Variants in SHANK2 observed in about 807,000 individuals in gnomAD.
SHANK2 encodes SH3 and multiple ankyrin repeat domains 2, also known as SH3 and multiple ankyrin repeat domains protein 2.
Under a neutral mutation model 133.7 loss-of-function variants are expected in SHANK2, and 43 were observed. The observed-to-expected ratio is 0.32, with a 90% CI of 0.25 to 0.41. The LOEUF is 0.41. SHANK2 is among the 10% of genes least tolerant of loss of function. The pLI, the probability that SHANK2 is intolerant of heterozygous loss-of-function variation, is 1.00. For missense variants in SHANK2, 1,994 were observed against 2,235.8 expected (o/e 0.89, Z 2.18); for synonymous variants, 1,017 against 952.8 (o/e 1.07, Z -1.24).
chr11:71,188,951 C>T lies in SHANK2; in HGVS notation c.-13+35746G>A, dbSNP rs1186998514. Among the ~76,000 whole-genome samples the T allele has an allele frequency of 6.6e-6, 1 of 152,184 alleles. No homozygotes were observed. Among genetic ancestry groups the T allele is most frequent in the Non-Finnish European group, 1.5e-5 (1 of 68,028 alleles). ...AGGAGCGGGCCCCAGCTCCACGGCC[C>T]CCCACTCCCACCTAGATGGAGTCCC... On this transcript the variant is annotated intron_variant, in intron 2 of 25. Coordinates refer to ENST00000601538, the MANE Select transcript of SHANK2 (RefSeq NM_012309.5). This position sits in a 1 kb window ranked among gnomAD's most constrained non-coding sequence, Gnocchi z 4.6.
chr11:71,120,402 G>A (rs1230985327), intron 3 of SHANK2, among the ~76,000 whole-genome samples: 2 of 152,218 alleles, frequency 1.3e-5, no homozygotes, highest in Admixed American at 1.3e-4. Flanking sequence ...CTCTATCTGA[G>A]GATTCTGTGG....
intron 15 of SHANK2, among the ~76,000 whole-genome samples, chr11:70,673,223 A>G (rs1434439583): frequency 1.3e-5 from 2 of 152,060 alleles, no homozygotes; most frequent in African/African-American, 2.4e-5. Flanking sequence ...CCCAGGGCAC[A>G]TGCCTCCACT....
chr11:70,935,509 C>T (rs1466199171), intron 10 of SHANK2, among the ~76,000 whole-genome samples: 1 of 152,186 alleles, frequency 6.6e-6, no homozygotes, highest in Non-Finnish European at 1.5e-5. Context: ...CACCTGGAAT[C>T]CATCTCAGGA....
intron 14 of SHANK2, among the ~76,000 whole-genome samples, chr11:70,790,842 C>T (rs1040995458): frequency 2.6e-5 from 4 of 152,162 alleles, no homozygotes; most frequent in East Asian, 1.9e-4. Context: ...GTGTCACGGG[C>T]GATGATGTGT....
At chr11:70,885,207 A>G (rs4980557) in intron 11 of SHANK2, among the ~76,000 whole-genome samples, 2 of 52,422 alleles carry the variant, frequency 3.8e-5, no homozygotes, top group Non-Finnish European at 1.7e-4. Flanking sequence ...GGAACCGCGC[A>G]GGGACCGCAT....
At chr11:70,665,468 G>A (rs574433239) in intron 15 of SHANK2, among the ~76,000 whole-genome samples, 16 of 152,152 alleles carry the variant, frequency 1.1e-4, no homozygotes, top group Non-Finnish European at 2.1e-4. Context: ...GCCCACACTT[G>A]TAACTGTGCA....
At chr11:70,677,659 G>A (rs1208231794) in intron 15 of SHANK2, among the ~76,000 whole-genome samples, 6 of 152,174 alleles carry the variant, frequency 3.9e-5, no homozygotes, top group East Asian at 1.9e-4. Context: ...TCCAAGAAGC[G>A]GGCAGGCAGG....
intron 15 of SHANK2, among the ~76,000 whole-genome samples, chr11:70,696,677 G>C (rs1378735048): frequency 4.6e-5 from 7 of 152,168 alleles, no homozygotes; most frequent in Non-Finnish European, 8.8e-5. Context: ...GAGGGGTCTT[G>C]GCTCCTCTCC....
chr11:71,201,775 C>T (rs1394203587), intron 2 of SHANK2, among the ~76,000 whole-genome samples: 1 of 152,128 alleles, frequency 6.6e-6, no homozygotes, highest in Non-Finnish European at 1.5e-5. Context: ...AGAAGGAGCA[C>T]GTTGTCTCCC....
intron 8 of SHANK2, among the ~76,000 whole-genome samples, chr11:71,081,492 A>G (rs1945269073): frequency 6.6e-6 from 1 of 152,136 alleles, no homozygotes; most frequent in African/African-American, 2.4e-5. Flanking sequence ...TGATTTTTGG[A>G]AAGATGAGGT....
At chr11:71,128,082 A>T (rs1952226043) in intron 3 of SHANK2, among the ~76,000 whole-genome samples, 2 of 152,172 alleles carry the variant, frequency 1.3e-5, no homozygotes, top group Non-Finnish European at 2.9e-5. Flanking sequence ...GAACACAAGG[A>T]GCTGCTCCGA....
chr11:70,476,632 A>G (rs186530588), intron 25 of SHANK2, among the ~76,000 whole-genome samples: 2 of 152,364 alleles, frequency 1.3e-5, no homozygotes, highest in Admixed American at 1.3e-4. Flanking sequence ...ATTAGGGCCA[A>G]GGACCTTGGG....
chr11:70,712,118 C>A (rs528847714), intron 14 of SHANK2, among the ~76,000 whole-genome samples: 1 of 152,184 alleles, frequency 6.6e-6, no homozygotes, highest in African/African-American at 2.4e-5. Context: ...TTGCTTCCCC[C>A]GCCCGGCTTC....
rs555416098 is a variant in SHANK2, at chr11:70,824,214, A to G, written c.1175-3532T>C. On this transcript the variant is annotated intron_variant, in intron 11 of 25. Transcript: ENST00000601538. ...TCCCCAGGACACAGGGCAGCCCTGG[A>G]GACAGAGCTAGAGCCAAGCCTGGGG... Among the ~76,000 whole-genome samples the G allele has an allele frequency of 9.2e-5, 14 of 152,118 alleles. No individual in the cohort carries two copies. In the South Asian group the frequency reaches 2.5e-3, roughly 27 times the overall value.
At chr11:71,104,977 T>C (rs886391204) in intron 6 of SHANK2, among the ~76,000 whole-genome samples, 1 of 152,222 alleles carries the variant, frequency 6.6e-6, no homozygotes, top group African/African-American at 2.4e-5. Context: ...TACAAAAAAA[T>C]GCCACTGTGT....
intron 1 of SHANK2, among the ~76,000 whole-genome samples, chr11:71,225,973 C>T (rs1166478915): frequency 6.6e-6 from 1 of 152,068 alleles, no homozygotes; most frequent in Non-Finnish European, 1.5e-5. Flanking sequence ...AAATACAAAA[C>T]TTAGCCGGGT....
At chr11:70,834,515 C>T (rs546524711) in intron 11 of SHANK2, among the ~76,000 whole-genome samples, 17 of 152,322 alleles carry the variant, frequency 1.1e-4, no homozygotes, top group African/African-American at 3.6e-4. Flanking sequence ...GTGGCAGGTG[C>T]AGGGCAGGTA....
intron 17 of SHANK2, among the ~76,000 whole-genome samples, chr11:70,517,297 G>A (rs1238732554): frequency 1.3e-5 from 2 of 152,212 alleles, no homozygotes; most frequent in African/African-American, 2.4e-5. Flanking sequence ...CACTTTGGAA[G>A]ACAGTTTGGC....
intron 10 of SHANK2, among the ~76,000 whole-genome samples, chr11:70,941,296 G>C (rs1950643588): frequency 6.6e-6 from 1 of 152,146 alleles, no homozygotes; most frequent in Non-Finnish European, 1.5e-5. Flanking sequence ...AAAAATGGAG[G>C]CTGACACACT....
Sources: allele counts gnomAD v4.1 joint callset (sites outside exome capture counted in the v4.1 genomes callset), GRCh38; gene constraint gnomAD v4.1.1; non-coding constraint Gnocchi (gnomAD v3.1); transcripts MANE v1.5; gene names NCBI Gene and HGNC (gene_info 2026-07-23, HGNC 2026-07-21).